Variants in ASCC3 observed in about 807,000 individuals in gnomAD.
ASCC3 encodes activating signal cointegrator 1 complex subunit 3, also known as ASC-1 complex subunit P200.
In ASCC3, 158 loss-of-function variants were observed where a neutral mutation model predicts 256.3. That is an observed-to-expected ratio of 0.62 (90% CI 0.54 to 0.70). The LOEUF is 0.70. Ranked by LOEUF, ASCC3 falls within the 30% of genes least tolerant of loss-of-function variation. The pLI, the probability that ASCC3 is intolerant of heterozygous loss-of-function variation, is 0.00. For missense variants in ASCC3, 2,259 were observed against 2,626.0 expected, an observed-to-expected ratio of 0.86 and a Z score of 3.05; for synonymous variants, 948 against 883.4, an observed-to-expected ratio of 1.07 and a Z score of -1.30.
At chr6:100,756,874 A>T (rs1321559130) in intron 10 of ASCC3, among the ~76,000 whole-genome samples, 1 of 152,146 alleles carries the variant, frequency 6.6e-6, no homozygotes, top group Non-Finnish European at 1.5e-5. Context: ...AAATAGTGAC[A>T]AATAATACAA....
At chr6:100,509,613 G>A in intron 41 of ASCC3, 80 bp from the exon 42 acceptor site, 1 of 1,405,982 alleles carries the variant, frequency 7.1e-7, no homozygotes, top group Non-Finnish European at 9.8e-7. Context: ...AACTTTGGTA[G>A]TAGGAGGCTG....
intron 36 of ASCC3, among the ~76,000 whole-genome samples, chr6:100,580,637 T>A (rs1030241821): frequency 7.9e-5 from 12 of 151,904 alleles, no homozygotes; most frequent in African/African-American, 2.9e-4. Flanking sequence ...AATGTGCAGG[T>A]TAGTTACATA....
chr6:100,671,921 G>A lies in ASCC3; in HGVS notation c.2286+7697C>T, dbSNP rs1776770133. The stretch of plus-strand genomic sequence containing the variant: ...TGGTCCTTGCCTAGATTAGACTCAT[G>A]CCACATAGTTGCCATCTGCCACTCC... On this transcript the variant is annotated intron_variant, in intron 14 of 41. Coordinates refer to ENST00000369162, the MANE Select transcript of ASCC3 (RefSeq NM_006828.4). Among the ~76,000 whole-genome samples the A allele has an allele frequency of 2.0e-5, 3 of 152,072 alleles. 1 individual carries two copies. In the South Asian group the frequency reaches 6.2e-4, roughly 32 times the overall value.
At chr6:100,756,597 T>C (rs989850786) in intron 10 of ASCC3, among the ~76,000 whole-genome samples, 3 of 152,110 alleles carry the variant, frequency 2.0e-5, no homozygotes, top group African/African-American at 4.8e-5. Flanking sequence ...ATATTTAAAA[T>C]AGTAACGTTA....
At position 100,581,901 on chromosome 6, in the gene ASCC3, C is replaced by T. The variant is rs1390211161; in HGVS notation, c.5550+7733G>A. Among the ~76,000 whole-genome samples the T allele has an allele frequency of 2.9e-3, 437 of 151,106 alleles. 2 individuals carry two copies. The highest frequency in any genetic ancestry group is 0.01 in the Middle Eastern group (3 of 288). On this transcript the variant is annotated intron_variant, in intron 36 of 41. Coordinates refer to ENST00000369162, the MANE Select transcript of ASCC3 (RefSeq NM_006828.4). ...CAAAGATCAGATAGTTGTAGATATGCGGTGTTATTTCTGAGGGCTCTGTTC... is the reference window on the plus strand; with the variant it reads ...CAAAGATCAGATAGTTGTAGATATGTGGTGTTATTTCTGAGGGCTCTGTTC...
intron 2 of ASCC3, among the ~76,000 whole-genome samples, chr6:100,864,765 G>A (rs1773401615): frequency 6.6e-6 from 1 of 152,096 alleles, no homozygotes; most frequent in Admixed American, 6.6e-5. Context: ...TTTTCTATTA[G>A]GTGGCTTAAA....
chr6:100,843,076 AAT>A (rs1383202723), intron 4 of ASCC3, among the ~76,000 whole-genome samples: 1 of 152,212 alleles, frequency 6.6e-6, no homozygotes, highest in Non-Finnish European at 1.5e-5. Flanking sequence ...GACAAATATC[AAT>A]AGAGTTCAAT....
chr6:100,701,199 A>G (rs17060954), intron 13 of ASCC3, among the ~76,000 whole-genome samples: 4,297 of 152,318 alleles, frequency 0.028, 178 homozygotes, highest in East Asian at 0.19. Context: ...TGAATCTTTC[A>G]AAAATCAAAA....
chr6:100,643,991 ACAATAGCAAATAAGGATATATT>A lies in ASCC3; in HGVS notation c.3732+18_3732+39del, dbSNP rs1775257967. The A allele has an allele frequency of 7.2e-7, 1 of 1,393,000 alleles. No individual in the cohort carries two copies. Among genetic ancestry groups the A allele is most frequent in the Non-Finnish European group, 1.0e-6 (1 of 989,540 alleles). The allele number at this position is 1,393,000 out of a possible 1,614,324, so 86.3% of individuals were successfully genotyped here. On this transcript the variant is annotated intron_variant, in intron 23 of 41. Coordinates refer to ENST00000369162, the MANE Select transcript of ASCC3 (RefSeq NM_006828.4). ...AGAAACTGTTAGTATAATTTTTTTTACAATAGCAAATAAGGATATATTCACATATATACACTTACTTGTTTTT... is the reference window on the plus strand; with the variant it reads ...AGAAACTGTTAGTATAATTTTTTTTACACATATATACACTTACTTGTTTTT...
chr6:100,648,687 C>G (rs1003495904), intron 20 of ASCC3, among the ~76,000 whole-genome samples: 3 of 151,816 alleles, frequency 2.0e-5, no homozygotes, highest in African/African-American at 7.2e-5. Flanking sequence ...ACTGTATCTA[C>G]CAAATAGGTT....
intron 21 of ASCC3, among the ~76,000 whole-genome samples, chr6:100,647,021 C>A (rs1368020405): frequency 6.6e-6 from 1 of 152,054 alleles, no homozygotes; most frequent in Non-Finnish European, 1.5e-5. Context: ...ATTACTGAGA[C>A]TTGATAGTGT....
intron 3 of ASCC3, among the ~76,000 whole-genome samples, chr6:100,852,958 T>G (rs1427476398): frequency 6.6e-6 from 1 of 151,330 alleles, no homozygotes; most frequent in East Asian, 1.9e-4. Context: ...GGATGTGAAA[T>G]GCATAGTAAA....
In ASCC3 at chr6:100,778,741, T is replaced by C. The variant is rs564591576; in HGVS notation, c.1396-11396A>G. 2.1e-3 allele frequency among the ~76,000 whole-genome samples: 326 copies of C among 152,256 alleles called. 4 individuals carry two copies. Among genetic ancestry groups the C allele is most frequent in the African/African-American group, 7.0e-3 (292 of 41,576 alleles). ...AATGCAGATTTTTTAATATTTAAAA[T>C]CTAATCATGCAACAGCCTCTAAAAA... is the stretch of plus-strand genomic sequence containing the variant. On this transcript the variant is annotated intron_variant, in intron 8 of 41. Coordinates refer to ENST00000369162, the MANE Select transcript of ASCC3 (RefSeq NM_006828.4).
rs768793997 is a variant in ASCC3 at position 100,766,634 on chromosome 6, T to C, written c.1668A>G (p.Pro556=). ...TCAATTCTTTCACAATGATGCCTAG[T>C]GGCTCTAGACGTCTGCTGAAGTAAT... ...MTDYFSRRLE[P]LGIIVKELTG... Residue 556 remains proline, a synonymous_variant, in exon 10 of 42, where the codon CCA becomes CCG. Coordinates refer to ENST00000369162, the MANE Select transcript of ASCC3 (RefSeq NM_006828.4). 1 of 1,614,076 alleles carries C rather than the reference T, an allele frequency of 6.2e-7. No individual in the cohort carries two copies. Among genetic ancestry groups the C allele is most frequent in the East Asian group, 2.2e-5 (1 of 44,836 alleles).
chr6:100,879,211 G>C (rs1769157886), intron 1 of ASCC3, among the ~76,000 whole-genome samples: 1 of 152,126 alleles, frequency 6.6e-6, no homozygotes, highest in African/African-American at 2.4e-5. Context: ...AGTACTTCCT[G>C]GGCACACCAC....
chr6:100,654,612 T>G (rs990478334), intron 17 of ASCC3, among the ~76,000 whole-genome samples: 5 of 152,102 alleles, frequency 3.3e-5, no homozygotes, highest in African/African-American at 1.2e-4. Context: ...CAGGTTATAA[T>G]GCAGTTATAT....
At chr6:100,612,034 G>A (rs186159574) in intron 30 of ASCC3, among the ~76,000 whole-genome samples, 88 of 151,974 alleles carry the variant, frequency 5.8e-4, no homozygotes, top group African/African-American at 2.0e-3. Flanking sequence ...AATATTATAC[G>A]TAACAGAAAA....
At chr6:100,541,298 A>C (rs905001693) in intron 36 of ASCC3, among the ~76,000 whole-genome samples, 6 of 152,208 alleles carry the variant, frequency 3.9e-5, no homozygotes, top group African/African-American at 1.2e-4. Context: ...AAAATTAAAA[A>C]AAAAAAAAAG....
intron 10 of ASCC3, among the ~76,000 whole-genome samples, chr6:100,759,929 T>C (rs1440143766): frequency 6.6e-6 from 1 of 152,006 alleles, no homozygotes; most frequent in Non-Finnish European, 1.5e-5. Context: ...TTGTGAGAGT[T>C]CATTCATGAC....
Sources: gnomAD v4.1 joint callset for allele counts (sites outside exome capture counted in the v4.1 genomes callset) on GRCh38, gnomAD v4.1.1 for gene constraint, MANE v1.5 for transcripts, NCBI Gene and HGNC (gene_info 2026-07-23, HGNC 2026-07-21) for gene names.